Variants in EBF3 observed in about 807,000 individuals in gnomAD.
EBF3 encodes EBF transcription factor 3, also known as transcription factor COE3.
Under a neutral mutation model 77.1 loss-of-function variants are expected in EBF3, and 18 were observed. That is an observed-to-expected ratio of 0.23 (90% CI 0.16 to 0.35). The LOEUF (loss-of-function observed/expected upper bound fraction) is 0.35, where lower values mean the gene tolerates loss of function less well. Among genes scored for constraint, EBF3 ranks in the 10% least tolerant of loss-of-function variants. EBF3 has a pLI of 1.00. For synonymous variants in EBF3, 350 were observed against 343.5 expected (o/e 1.02, Z -0.21); for missense variants, 558 against 860.0 (o/e 0.65, Z 4.39).
chr10:129,838,988 T>C, intron 16 of EBF3, 95 bp downstream of exon 16: 1 of 1,171,292 alleles, frequency 8.5e-7, no homozygotes, highest in East Asian at 5.8e-5. Flanking sequence ...TGCCCGCTGA[T>C]GGCACGCAGG....
At chr10:129,916,843 T>A (rs1855914628) in intron 6 of EBF3, among the ~76,000 whole-genome samples, 1 of 151,998 alleles carries the variant, frequency 6.6e-6, no homozygotes, top group Non-Finnish European at 1.5e-5. Context: ...AGGACGAAGG[T>A]GCTCCCTGGG....
chr10:129,926,904 C>T (rs984478079), intron 6 of EBF3, among the ~76,000 whole-genome samples: 2 of 152,180 alleles, frequency 1.3e-5, no homozygotes, highest in East Asian at 3.9e-4. Flanking sequence ...GGCTCCAGAG[C>T]CTGCTCCCGG....
chr10:129,918,841 C>T (rs1011878916), intron 6 of EBF3, among the ~76,000 whole-genome samples: 1 of 152,248 alleles, frequency 6.6e-6, no homozygotes, highest in Non-Finnish European at 1.5e-5. Flanking sequence ...TGCTCATCTG[C>T]TTAGCCCTCA....
Position 129,963,894 on chromosome 10 carries a change from C to A in EBF3, c.-126G>T. On this transcript the variant is annotated 5_prime_UTR_variant, in exon 1 of 17. Transcript: ENST00000440978. This position sits in a 1 kb window ranked among gnomAD's most constrained non-coding sequence, Gnocchi z 7.1. Reference sequence around the variant, plus strand: ...CTGCTCGGCGCCTGCGGTCCGGCCCCGCCGCCGGCTTCAGCCCGTCCCGGG... The same window carrying A: ...CTGCTCGGCGCCTGCGGTCCGGCCCAGCCGCCGGCTTCAGCCCGTCCCGGG... 8.6e-7 allele frequency: 1 copy of A among 1,165,340 alleles called. No homozygotes were observed. Among genetic ancestry groups the A allele is most frequent in the Non-Finnish European group, 1.1e-6 (1 of 946,882 alleles). The allele number at this position is 1,165,340 out of a possible 1,614,324, so 72.2% of individuals were successfully genotyped here. A position where few individuals can be genotyped will look rare whatever the true frequency, so the allele number is the denominator to read the frequency against.
chr10:129,881,562 G>A (rs921020765), intron 6 of EBF3, among the ~76,000 whole-genome samples: 13 of 152,178 alleles, frequency 8.5e-5, no homozygotes, highest in Non-Finnish European at 1.6e-4. Flanking sequence ...AGCAGAAGGG[G>A]GAAAGGTGTG....
chr10:129,926,472 A>G (rs1352994942), intron 6 of EBF3, among the ~76,000 whole-genome samples: 1 of 152,156 alleles, frequency 6.6e-6, no homozygotes, highest in Non-Finnish European at 1.5e-5. Flanking sequence ...CCTGGGCTGA[A>G]ACTCTTAGGA....
chr10:129,955,397 G>A lies in EBF3; in HGVS notation c.554+1861C>T, dbSNP rs1858963481. Among the ~76,000 whole-genome samples the A allele has an allele frequency of 2.0e-5, 3 of 152,004 alleles. No individual in the cohort carries two copies. In the South Asian group the frequency reaches 6.2e-4, roughly 32 times the overall value. On this transcript the variant is annotated intron_variant, in intron 6 of 16. Coordinates refer to ENST00000440978, the MANE Select transcript of EBF3 (RefSeq NM_001375380.1). Reference sequence around the variant, plus strand: ...AATCCTCCTTATTCAAATAAACATGGTAAACCCATTAACCAAATGTTTTTA... The same window carrying A: ...AATCCTCCTTATTCAAATAAACATGATAAACCCATTAACCAAATGTTTTTA...
At chr10:129,927,463 C>G (rs1435634321) in intron 6 of EBF3, among the ~76,000 whole-genome samples, 2 of 152,206 alleles carry the variant, frequency 1.3e-5, no homozygotes, top group Non-Finnish European at 2.9e-5. Flanking sequence ...CCTTGGGGCC[C>G]AGGACACGTG....
At chr10:129,843,023 G>T in intron 12 of EBF3, 114 bp downstream of exon 12, 1 of 983,896 alleles carries the variant, frequency 1.0e-6, no homozygotes, top group Non-Finnish European at 1.5e-6. Flanking sequence ...GACTCCTGTG[G>T]AGTCGCTGGA....
chr10:129,866,989 T>C lies in EBF3; in HGVS notation c.1039+152A>G, dbSNP rs182787798. On this transcript the variant is annotated intron_variant, in intron 10 of 16. Transcript: ENST00000440978. ...CTCAAACAAAGATGTGGAAACTGCA[T>C]ATCCAGCTAAACCCACAGGCCAAGG... The C allele has an allele frequency of 4.3e-6, 5 of 1,151,306 alleles. No homozygotes were observed. In the Admixed American group the frequency reaches 1.1e-4, roughly 24 times the overall value. 71.3% of individuals were successfully genotyped at this position (1,151,306 alleles called of 1,614,324 possible). A position where few individuals can be genotyped will look rare whatever the true frequency, so the allele number is the denominator to read the frequency against.
At chr10:129,930,593 C>T (rs1421521431) in intron 6 of EBF3, among the ~76,000 whole-genome samples, 1 of 144,912 alleles carries the variant, frequency 6.9e-6, no homozygotes, top group Non-Finnish European at 1.5e-5. Flanking sequence ...TAACAAATCC[C>T]CCTCTCATAT....
chr10:129,964,212 G>T lies in EBF3; in HGVS notation c.-444C>A. The T allele has an allele frequency of 1.0e-6, 1 of 985,024 alleles. No individual in the cohort carries two copies. Among genetic ancestry groups the T allele is most frequent in the Non-Finnish European group, 1.2e-6 (1 of 829,804 alleles). The allele number at this position is 985,024 out of a possible 1,614,324, so 61.0% of individuals were successfully genotyped here. ...CCGGGCGCAGGCGGGGCGCGGCGGGGCCTGGAGCGGCGCGCGCAGCGGACG... is the reference window on the plus strand; with the variant it reads ...CCGGGCGCAGGCGGGGCGCGGCGGGTCCTGGAGCGGCGCGCGCAGCGGACG... On this transcript the variant is annotated 5_prime_UTR_variant, in exon 1 of 17. Transcript: ENST00000440978. This position sits in a 1 kb window ranked among gnomAD's most constrained non-coding sequence, Gnocchi z 4.5.
chr10:129,859,009 G>A (rs934300641), intron 10 of EBF3, among the ~76,000 whole-genome samples: 3 of 152,198 alleles, frequency 2.0e-5, no homozygotes, highest in Admixed American at 2.0e-4. Flanking sequence ...CGCACGCTCC[G>A]TAATGACCCT....
In EBF3 at chr10:129,836,226, T is replaced by C. The variant is rs1849602702; in HGVS notation, c.*1717A>G. 6.6e-6 allele frequency: 1 copy of C among 152,606 alleles called. No homozygotes were observed. Among genetic ancestry groups the C allele is most frequent in the Admixed American group, 6.5e-5 (1 of 15,286 alleles). 9.5% of individuals were successfully genotyped at this position (152,606 alleles called of 1,614,324 possible). Reference sequence around the variant, plus strand: ...ATAGCACAAAGGTTCTTTAAAGAAGTTCACTTTTAAGGCATCAGAAAAGTT... The same window carrying C: ...ATAGCACAAAGGTTCTTTAAAGAAGCTCACTTTTAAGGCATCAGAAAAGTT... On this transcript the variant is annotated 3_prime_UTR_variant, in exon 17 of 17. Transcript: ENST00000440978.
At chr10:129,901,683 G>A (rs1854790588) in intron 6 of EBF3, among the ~76,000 whole-genome samples, 1 of 152,192 alleles carries the variant, frequency 6.6e-6, no homozygotes, top group African/African-American at 2.4e-5. Context: ...AGTAGCCTTA[G>A]GCAGTACTTT....
At chr10:129,902,656 T>C (rs1452044998) in intron 6 of EBF3, among the ~76,000 whole-genome samples, 2 of 152,226 alleles carry the variant, frequency 1.3e-5, no homozygotes, top group Non-Finnish European at 2.9e-5. Context: ...ACACTTGGTA[T>C]ATTGAGCAAC....
chr10:129,839,152 G>A lies in EBF3; in HGVS notation c.1803C>T (p.Asn601=). 1 of 1,304,404 alleles carries A rather than the reference G, an allele frequency of 7.7e-7. No individual in the cohort carries two copies. The highest frequency in any genetic ancestry group is 1.2e-5 in the South Asian group (1 of 81,036). 80.8% of individuals were successfully genotyped at this position (1,304,404 alleles called of 1,614,324 possible). The change falls in exon 16 of 17, where the codon AAC becomes AAT. Residue 601 remains asparagine, a synonymous_variant. Coordinates refer to ENST00000440978, the MANE Select transcript of EBF3 (RefSeq NM_001375380.1). The part of the protein sequence containing the change: ...GAEDVAAEKT[N]WPFCEVGGIF... Reference sequence around the variant, plus strand: ...TGCCACCGACTTCACAAAAGGGCCAGTTTGTCTTCTCCGCGGCTACGTCCT... The same window carrying A: ...TGCCACCGACTTCACAAAAGGGCCAATTTGTCTTCTCCGCGGCTACGTCCT...
In EBF3 at chr10:129,836,716, C is replaced by T. The variant is rs1849631665; in HGVS notation, c.*1227G>A. On this transcript the variant is annotated 3_prime_UTR_variant, in exon 17 of 17. Coordinates refer to ENST00000440978, the MANE Select transcript of EBF3 (RefSeq NM_001375380.1). ...CAAAGAGACAAGTTCTTGGCTAATG[C>T]TCTTCCCAGTATCACAACACCAGGC... 6.6e-6 allele frequency: 1 copy of T among 152,460 alleles called. No homozygotes were observed. The highest frequency in any genetic ancestry group is 1.5e-5 in the Non-Finnish European group (1 of 68,022). 9.4% of individuals were successfully genotyped at this position (152,460 alleles called of 1,614,324 possible). A position where few individuals can be genotyped will look rare whatever the true frequency, so the allele number is the denominator to read the frequency against.
chr10:129,876,981 G>C (rs1227634671), intron 7 of EBF3, among the ~76,000 whole-genome samples: 1 of 140,660 alleles, frequency 7.1e-6, no homozygotes, highest in Admixed American at 7.9e-5. Flanking sequence ...CTGAGTTTAG[G>C]AACAGATGCA....
Sources: gnomAD v4.1 joint callset for allele counts (sites outside exome capture counted in the v4.1 genomes callset) on GRCh38, gnomAD v4.1.1 for gene constraint, Gnocchi (gnomAD v3.1) non-coding constraint, MANE v1.5 for transcripts, NCBI Gene and HGNC (gene_info 2026-07-23, HGNC 2026-07-21) for gene names.